SLC38A4: variants seen among roughly 807,000 people sequenced by gnomAD.
SLC38A4 encodes solute carrier family 38 member 4.
Under a neutral mutation model 63.1 loss-of-function variants are expected in SLC38A4, and 20 were observed. The observed-to-expected ratio is 0.32, with a 90% CI of 0.22 to 0.46. The LOEUF is 0.46. Ranked by LOEUF, SLC38A4 falls within the 20% of genes least tolerant of loss-of-function variation. SLC38A4 has a pLI of 1.00. For missense variants in SLC38A4, 526 were observed against 663.6 expected (o/e 0.79, Z 2.28); for synonymous variants, 230 against 225.5 (o/e 1.02, Z -0.18).
intron 1 of SLC38A4, among the ~76,000 whole-genome samples, chr12:46,805,249 A>C (rs1250569932): frequency 6.6e-6 from 1 of 152,028 alleles, no homozygotes; most frequent in Non-Finnish European, 1.5e-5. Context: ...AATTAAAAGC[A>C]CACACAAGAG....
chr12:46,793,158 T>C lies in SLC38A4; in HGVS notation c.-87A>G, dbSNP rs1457107220. 1.1e-6 allele frequency: 1 copy of C among 884,478 alleles called. No individual in the cohort carries two copies. The highest frequency in any genetic ancestry group is 1.7e-5 in the African/African-American group (1 of 60,582). 54.8% of individuals were successfully genotyped at this position (884,478 alleles called of 1,614,324 possible). A position where few individuals can be genotyped will look rare whatever the true frequency, so the allele number is the denominator to read the frequency against. On this transcript the variant is annotated 5_prime_UTR_variant, in exon 3 of 17. Transcript: ENST00000266579. ...CCTTCAGCTTAAGGTTCTTCCACTT[T>C]GTGTTGATGTTCAGAACACTCTGTT...
At chr12:46,807,875 G>A (rs570478452) in intron 1 of SLC38A4, among the ~76,000 whole-genome samples, 1 of 120,822 alleles carries the variant, frequency 8.3e-6, no homozygotes, top group Non-Finnish European at 1.7e-5. Context: ...GAAAAGAAGA[G>A]ATAATTAAAT....
intron 1 of SLC38A4, among the ~76,000 whole-genome samples, chr12:46,805,266 A>G (rs2120872197): frequency 6.6e-6 from 1 of 152,182 alleles, no homozygotes; most frequent in African/African-American, 2.4e-5. Context: ...AGAGACTTCT[A>G]TTGAAGAGTT....
chr12:46,817,676 C>G (rs575802660), intron 1 of SLC38A4, among the ~76,000 whole-genome samples: 3 of 151,944 alleles, frequency 2.0e-5, no homozygotes, highest in African/African-American at 7.2e-5. Context: ...CACTGTGCTT[C>G]CATTTATATT....
In SLC38A4 at chr12:46,765,004, C is replaced by T. The variant is rs1190367416; in HGVS notation, c.*1697G>A. The T allele has an allele frequency of 6.6e-6, 1 of 152,574 alleles. No homozygotes were observed. The highest frequency in any genetic ancestry group is 1.5e-5 in the Non-Finnish European group (1 of 68,020). The allele number at this position is 152,574 out of a possible 1,614,324, so 9.5% of individuals were successfully genotyped here. A position where few individuals can be genotyped will look rare whatever the true frequency, so the allele number is the denominator to read the frequency against. The stretch of plus-strand genomic sequence containing the variant: ...TTATTATTTGGCACTATAGGATGCT[C>T]TTGAACATTCAGAAGATACCTTTTT... On this transcript the variant is annotated 3_prime_UTR_variant, in exon 17 of 17. Transcript: ENST00000266579.
chr12:46,783,020 A>ATTGTG (rs1555170922), intron 7 of SLC38A4, among the ~76,000 whole-genome samples: 2 of 103,662 alleles, frequency 1.9e-5, no homozygotes, highest in Admixed American at 1.1e-4. Context: ...GAGAGAGAAA[A>ATTGTG]TGTGTGTGTG....
rs549173340 is a variant in SLC38A4, at chr12:46,766,677, A to C, written c.*24T>G. On this transcript the variant is annotated 3_prime_UTR_variant, in exon 17 of 17. Transcript: ENST00000266579. ...TATAACTTGTAACCATTTCCAATAG[A>C]AAAAGAAAGTATTTTTCCTTGTGTT... 6.9e-7 allele frequency: 1 copy of C among 1,448,476 alleles called. No homozygotes were observed. The highest frequency in any genetic ancestry group is 1.7e-5 in the Admixed American group (1 of 58,374). The allele number at this position is 1,448,476 out of a possible 1,614,324, so 89.7% of individuals were successfully genotyped here.
chr12:46,801,267 T>G (rs541818662), intron 2 of SLC38A4, among the ~76,000 whole-genome samples: 8 of 152,252 alleles, frequency 5.3e-5, no homozygotes, highest in Admixed American at 1.3e-4. Flanking sequence ...TATTAAACAT[T>G]GTAATGTCTT....
intron 2 of SLC38A4, among the ~76,000 whole-genome samples, chr12:46,799,579 G>A (rs1939088533): frequency 6.6e-6 from 1 of 151,994 alleles, no homozygotes; most frequent in Non-Finnish European, 1.5e-5. Flanking sequence ...CCTGGGCAAC[G>A]AAGATTCCAT....
intron 2 of SLC38A4, among the ~76,000 whole-genome samples, chr12:46,797,677 G>C (rs1372718109): frequency 6.6e-6 from 1 of 152,058 alleles, no homozygotes; most frequent in African/African-American, 2.4e-5. Context: ...AGTTGGTTCT[G>C]TTTCTCTGGA....
intron 1 of SLC38A4, among the ~76,000 whole-genome samples, chr12:46,810,969 G>GA (rs1565676351): frequency 1.3e-5 from 2 of 151,812 alleles, no homozygotes; most frequent in Non-Finnish European, 2.9e-5. Flanking sequence ...GAAAGAATAG[G>GA]AAAAAAATGA....
At chr12:46,795,808 A>C (rs994801099) in intron 2 of SLC38A4, among the ~76,000 whole-genome samples, 8 of 151,634 alleles carry the variant, frequency 5.3e-5, no homozygotes, top group Admixed American at 2.6e-4. Context: ...TTTATAGATA[A>C]TTTATCGATG....
At chr12:46,768,526 AC>A in intron 15 of SLC38A4, 119 bp from the exon 16 acceptor site, 1 of 555,784 alleles carries the variant, frequency 1.8e-6, no homozygotes. Flanking sequence ...AGCACTAAAA[AC>A]ACACACTTAA....
intron 1 of SLC38A4, 70 bp from the exon 2 acceptor site, chr12:46,803,864 C>T (rs991433296): frequency 6.6e-6 from 1 of 151,458 alleles, no homozygotes. Context: ...TCAGTTACAC[C>T]AATTTCTATT....
intron 1 of SLC38A4, among the ~76,000 whole-genome samples, chr12:46,818,809 A>G (rs1282535395): frequency 2.0e-5 from 3 of 151,950 alleles, no homozygotes; most frequent in Non-Finnish European, 4.4e-5. Context: ...TACTGGTTAT[A>G]TCTTGCAATC....
At chr12:46,766,858 TTTTTTAG>T in intron 16 of SLC38A4, 56 bp from the exon 17 acceptor site, 1 of 1,271,744 alleles carries the variant, frequency 7.9e-7, no homozygotes, top group South Asian at 1.3e-5. Context: ...GTACAATTTG[TTTTTTAG>T]TTGTTTACAT....
Position 46,769,361 on chromosome 12 carries a change from A to G in SLC38A4, c.1367T>C (p.Ile456Thr). ...RPFSWIRHFL[I>T]AAVLIALNNV... is the part of the protein sequence containing the mutation. ...ATTAAGTGCAATAAGCACAGCTGCA[A>G]TCAGGAAATGTCGTATCCAGCTGAA... Residue 456 changes from isoleucine (I) to threonine (T), a missense_variant, in exon 15 of 17, where the codon ATT becomes ACT. Transcript: ENST00000266579. The G allele has an allele frequency of 1.2e-6, 2 of 1,613,514 alleles. No homozygotes were observed. The highest frequency in any genetic ancestry group is 1.7e-4 in the Middle Eastern group (1 of 6,058).
intron 1 of SLC38A4, among the ~76,000 whole-genome samples, chr12:46,814,976 A>T (rs1939409526): frequency 6.6e-6 from 1 of 151,772 alleles, no homozygotes; most frequent in Non-Finnish European, 1.5e-5. Flanking sequence ...ATTCTTTGAG[A>T]TTTAGAAATG....
At position 46,778,304 on chromosome 12, in the gene SLC38A4, T is replaced by C. The variant is rs1565664844; in HGVS notation, c.1058A>G (p.Tyr353Cys). ...GCTGCCTTACTCTTTAAGTTCACTG[T>C]AGATGGGAAGGACCTCAGGGTGGCA... ...FVCHPEVLPI[Y>C]SELKDRSRRK... is the part of the protein sequence containing the mutation. The change falls in exon 12 of 17, where the codon TAC (tyrosine) becomes TGC (cysteine). Residue 353 changes from tyrosine (Y) to cysteine (C), a missense_variant. Physicochemically the swap from Tyr to Cys is radical, Grantham distance 194. Transcript: ENST00000266579. 1 of 1,612,546 alleles carries C rather than the reference T, an allele frequency of 6.2e-7. No individual in the cohort carries two copies. The highest frequency in any genetic ancestry group is 8.5e-7 in the Non-Finnish European group (1 of 1,179,052).
Sources: allele counts gnomAD v4.1 joint callset (sites outside exome capture counted in the v4.1 genomes callset), GRCh38; gene constraint gnomAD v4.1.1; transcripts MANE v1.5; gene names NCBI Gene and HGNC (gene_info 2026-07-23, HGNC 2026-07-21).